ACTR3B: variants seen among roughly 807,000 people sequenced by gnomAD.
ACTR3B encodes actin related protein 3B.
Under a neutral mutation model 59.0 loss-of-function variants are expected in ACTR3B, and 8 were observed. That is an observed-to-expected ratio of 0.14 (90% CI 0.08 to 0.24). ACTR3B has a LOEUF of 0.24. ACTR3B is among the 10% of genes least tolerant of loss of function. The pLI is 1.00. For missense variants in ACTR3B, 245 were observed against 552.3 expected, an observed-to-expected ratio of 0.44 and a Z score of 5.58; for synonymous variants, 148 against 197.9, an observed-to-expected ratio of 0.75 and a Z score of 2.12.
At chr7:152,838,940 A>G (rs1797675200) in intron 9 of ACTR3B, among the ~76,000 whole-genome samples, 1 of 152,144 alleles carries the variant, frequency 6.6e-6, no homozygotes, top group South Asian at 2.1e-4. Context: ...GTTTTGAAGT[A>G]TATCCAGAGG....
chr7:152,838,793 G>A (rs1461497382), intron 9 of ACTR3B, among the ~76,000 whole-genome samples: 8 of 152,174 alleles, frequency 5.3e-5, no homozygotes, highest in African/African-American at 1.9e-4. Context: ...GTCATTTGAC[G>A]TTGATTGGCC....
At chr7:152,849,732 T>C (rs1341723429) in intron 9 of ACTR3B, among the ~76,000 whole-genome samples, 1 of 152,276 alleles carries the variant, frequency 6.6e-6, no homozygotes, top group Non-Finnish European at 1.5e-5. Flanking sequence ...CTGACAGTCT[T>C]TCACCTTAGC....
chr7:152,846,350 A>G (rs544288114), intron 9 of ACTR3B, among the ~76,000 whole-genome samples: 22 of 142,128 alleles, frequency 1.5e-4, no homozygotes, highest in African/African-American at 5.9e-4. Flanking sequence ...TGTAGTCTGC[A>G]GTGAGCTCTA....
chr7:152,830,604 G>A lies in ACTR3B; in HGVS notation c.951+5482G>A, dbSNP rs111425635. Among the ~76,000 whole-genome samples the A allele has an allele frequency of 7.2e-5, 11 of 151,974 alleles. No homozygotes were observed. In the East Asian group the frequency reaches 1.9e-3, roughly 27 times the overall value. On this transcript the variant is annotated intron_variant, in intron 9 of 11. Transcript: ENST00000256001. ...TGCTCTGTCGCCCACGCTGAAGTGC[G>A]GTGGTGTGATCACAGCTCACTGCAG...
At chr7:152,853,366 T>G (rs1414222752) in intron 10 of ACTR3B, 128 bp from the exon 11 acceptor site, 1 of 727,898 alleles carries the variant, frequency 1.4e-6, no homozygotes, top group African/African-American at 1.7e-5. Context: ...GAGTGCTGGG[T>G]GTGAGGTGGT....
chr7:152,838,085 C>CAT (rs1474341582), intron 9 of ACTR3B, among the ~76,000 whole-genome samples: 3 of 151,448 alleles, frequency 2.0e-5, no homozygotes, highest in African/African-American at 7.3e-5. Context: ...TCATGTGCAA[C>CAT]ATGGTGGTTG....
chr7:152,812,071 C>T lies in ACTR3B; in HGVS notation c.337-2479C>T, dbSNP rs1172305475. The T allele has an allele frequency of 5.8e-5, 4 of 68,634 alleles. 1 individual carries two copies. The highest frequency in any genetic ancestry group is 1.7e-4 in the African/African-American group (4 of 23,164). The allele number at this position is 68,634 out of a possible 1,614,324, so 4.3% of individuals were successfully genotyped here. A position where few individuals can be genotyped will look rare whatever the true frequency, so the allele number is the denominator to read the frequency against. ...TTTGAGACGGAGTCTTACTCCATCGCCCAGGCTGGAATGCAGTGGTGCGAT... is the reference window on the plus strand; with the variant it reads ...TTTGAGACGGAGTCTTACTCCATCGTCCAGGCTGGAATGCAGTGGTGCGAT... On this transcript the variant is annotated intron_variant, in intron 4 of 11. Transcript: ENST00000256001.
At chr7:152,785,503 G>GAC (rs1299104795) in intron 2 of ACTR3B, among the ~76,000 whole-genome samples, 5 of 116,008 alleles carry the variant, frequency 4.3e-5, no homozygotes, top group Non-Finnish European at 7.0e-5. Context: ...CAGAGAGAGA[G>GAC]AGAGAGAGGA....
intron 2 of ACTR3B, among the ~76,000 whole-genome samples, chr7:152,791,211 G>A (rs955661409): frequency 1.3e-5 from 2 of 151,790 alleles, no homozygotes; most frequent in Non-Finnish European, 2.9e-5. Flanking sequence ...GGGTTTCATT[G>A]TGTTGCCCAG....
chr7:152,810,123 T>C (rs1013337777), intron 4 of ACTR3B, among the ~76,000 whole-genome samples: 2 of 152,060 alleles, frequency 1.3e-5, no homozygotes, highest in Non-Finnish European at 2.9e-5. Flanking sequence ...TTTTTTGTTT[T>C]TGAGATGGAG....
At position 152,814,622 on chromosome 7, in the gene ACTR3B, C is replaced by G; in HGVS notation, c.409C>G (p.Pro137Ala). The G allele has an allele frequency of 1.9e-6, 3 of 1,613,724 alleles. No homozygotes were observed. Among genetic ancestry groups the G allele is most frequent in the Non-Finnish European group, 2.5e-6 (3 of 1,179,670 alleles). Residue 137 changes from proline (P) to alanine (A), a missense_variant, in exon 5 of 12, where the codon CCA becomes GCA. Around this residue, in one of 7 missense-constraint regions of ACTR3B, gnomAD observed 40 missense variants for 70.4 expected, o/e 0.57. Transcript: ENST00000256001. ...AATTATGTTTGAATCATTTAACGTA[C>G]CAGGACTCTACATTGCAGTTCAGGT... The part of the protein sequence containing the change: ...AEIMFESFNV[P>A]GLYIAVQAVL...
At chr7:152,780,795 T>C (rs2116599569) in intron 1 of ACTR3B, among the ~76,000 whole-genome samples, 1 of 152,198 alleles carries the variant, frequency 6.6e-6, no homozygotes, top group African/African-American at 2.4e-5. Flanking sequence ...ATGCTATCAC[T>C]TGGGATATAG....
At chr7:152,795,592 A>G (rs545790702) in intron 2 of ACTR3B, among the ~76,000 whole-genome samples, 1 of 152,354 alleles carries the variant, frequency 6.6e-6, no homozygotes, top group Admixed American at 6.5e-5. Context: ...AACAGGGTAA[A>G]TGCTTTAGCT....
At chr7:152,803,200 T>A (rs1178063676) in intron 4 of ACTR3B, among the ~76,000 whole-genome samples, 2 of 152,144 alleles carry the variant, frequency 1.3e-5, no homozygotes, top group Non-Finnish European at 1.5e-5. Context: ...TAGAAGCCAC[T>A]AGCCTGGCTA....
chr7:152,831,249 G>T (rs562874316), intron 9 of ACTR3B, among the ~76,000 whole-genome samples: 69 of 152,378 alleles, frequency 4.5e-4, no homozygotes, highest in African/African-American at 1.6e-3. Context: ...TGGGAGGCTG[G>T]TGGAGATGTG....
chr7:152,797,035 C>G (rs1046546107), intron 2 of ACTR3B, among the ~76,000 whole-genome samples: 11 of 151,850 alleles, frequency 7.2e-5, no homozygotes, highest in Middle Eastern at 3.4e-3. Flanking sequence ...ATTATTTACT[C>G]TCTCCTGAAA....
At chr7:152,845,329 G>T (rs1384330038) in intron 9 of ACTR3B, among the ~76,000 whole-genome samples, 7 of 152,088 alleles carry the variant, frequency 4.6e-5, no homozygotes, top group Non-Finnish European at 8.8e-5. Flanking sequence ...TCCTTTCTGA[G>T]TTTTCTAACT....
chr7:152,830,033 A>G (rs1185998835), intron 9 of ACTR3B, among the ~76,000 whole-genome samples: 5 of 152,252 alleles, frequency 3.3e-5, no homozygotes, highest in Non-Finnish European at 7.3e-5. Context: ...GGGAACCACT[A>G]CAAGCTAAAT....
rs902803606 is a variant in ACTR3B at position 152,761,537 on chromosome 7, T to C, written c.44+1611T>C. Among the ~76,000 whole-genome samples the C allele has an allele frequency of 2.6e-5, 4 of 152,178 alleles. 1 individual carries two copies. Among genetic ancestry groups the C allele is most frequent in the Admixed American group, 2.6e-4 (4 of 15,280 alleles). ...GCTATAAATACCTAAAATGTCGTGCTCAGTTTTGACCTTTTGAGGTAAGTG... is the reference window on the plus strand; with the variant it reads ...GCTATAAATACCTAAAATGTCGTGCCCAGTTTTGACCTTTTGAGGTAAGTG... On this transcript the variant is annotated intron_variant, in intron 1 of 11. Coordinates refer to ENST00000256001, the MANE Select transcript of ACTR3B (RefSeq NM_020445.6).
Sources: allele counts gnomAD v4.1 joint callset (sites outside exome capture counted in the v4.1 genomes callset), GRCh38; gene constraint gnomAD v4.1.1; regional missense constraint gnomAD v4.1.1; transcripts MANE v1.5; gene names NCBI Gene and HGNC (gene_info 2026-07-23, HGNC 2026-07-21).